NXPH1: variants seen among roughly 807,000 people sequenced by gnomAD.
NXPH1 encodes the protein neurexophilin 1, also known as neurexophilin-1.
In NXPH1, 5 loss-of-function variants were observed where a neutral mutation model predicts 23.7. The observed-to-expected ratio is 0.21, with a 90% confidence interval of 0.11 to 0.44. The LOEUF (loss-of-function observed/expected upper bound fraction) is 0.44. Ranked by LOEUF, NXPH1 falls within the 20% of genes least tolerant of loss-of-function variation. The pLI is 0.99. For synonymous variants in NXPH1, 144 were observed against 122.2 expected (o/e 1.18, Z -1.18); for missense variants, 324 against 321.6 (o/e 1.01, Z -0.06).
At chr7:8,482,846 G>T (rs1461608761) in intron 2 of NXPH1, among the ~76,000 whole-genome samples, 1 of 152,162 alleles carries the variant, frequency 6.6e-6, no homozygotes, top group Admixed American at 6.5e-5. Context: ...TGGTGTCTTG[G>T]ATAGAATGGT....
chr7:8,513,358 G>T (rs1303421365), intron 2 of NXPH1, among the ~76,000 whole-genome samples: 1 of 151,962 alleles, frequency 6.6e-6, no homozygotes, highest in Non-Finnish European at 1.5e-5. Flanking sequence ...AAAACTGAAG[G>T]GTTTTCTTAA....
chr7:8,517,153 T>C (rs1302514497), intron 2 of NXPH1, among the ~76,000 whole-genome samples: 1 of 152,006 alleles, frequency 6.6e-6, no homozygotes, highest in Non-Finnish European at 1.5e-5. Flanking sequence ...GCTAGCAAAC[T>C]AGTGTGCATA....
chr7:8,453,617 G>T (rs1323617518), intron 2 of NXPH1, among the ~76,000 whole-genome samples: 1 of 152,088 alleles, frequency 6.6e-6, no homozygotes, highest in Non-Finnish European at 1.5e-5. Context: ...GAGGACTAAT[G>T]ATATTGGTAC....
chr7:8,638,941 C>T (rs1820262768), intron 2 of NXPH1, among the ~76,000 whole-genome samples: 1 of 150,434 alleles, frequency 6.6e-6, no homozygotes, highest in African/African-American at 2.5e-5. Flanking sequence ...GGTTTAAGTT[C>T]CTTGACCTCT....
At chr7:8,463,384 A>G (rs1430836306) in intron 2 of NXPH1, among the ~76,000 whole-genome samples, 2 of 151,502 alleles carry the variant, frequency 1.3e-5, no homozygotes, top group African/African-American at 4.9e-5. Flanking sequence ...TATATTTTTT[A>G]ACCCTTTGAA....
Position 8,733,905 on chromosome 7 carries a change from G to A in NXPH1, c.55-17103G>A, listed in dbSNP as rs1016502671. Among the ~76,000 whole-genome samples, 11 of 152,052 alleles carry A rather than the reference G, an allele frequency of 7.2e-5. No individual in the cohort carries two copies. The South Asian group carries it at 1.9e-3, about 26-fold the overall frequency. On this transcript the variant is annotated intron_variant, in intron 2 of 2. Coordinates refer to ENST00000405863, the MANE Select transcript of NXPH1 (RefSeq NM_152745.3). ...AATTAGGTCCCATTTGGCAATTTTG[G>A]CTTTTGTTGCCATTGCTTTTAGTGC...
chr7:8,648,452 A>G (rs1353340384), intron 2 of NXPH1, among the ~76,000 whole-genome samples: 8 of 152,216 alleles, frequency 5.3e-5, no homozygotes, highest in Non-Finnish European at 1.0e-4. Context: ...CAGTGAACAC[A>G]AGGATCTCCA....
chr7:8,459,088 G>C (rs1468112043), intron 2 of NXPH1, among the ~76,000 whole-genome samples: 1 of 148,938 alleles, frequency 6.7e-6, no homozygotes, highest in Non-Finnish European at 1.5e-5. Flanking sequence ...ATTTTTCCTT[G>C]ATTTTTTTTT....
intron 2 of NXPH1, among the ~76,000 whole-genome samples, chr7:8,566,719 G>A (rs1421586950): frequency 6.6e-6 from 1 of 151,762 alleles, no homozygotes; most frequent in Non-Finnish European, 1.5e-5. Context: ...CTCTGATTTA[G>A]AGGTGTTTGG....
At chr7:8,478,451 TAAAAG>T (rs1817013888) in intron 2 of NXPH1, among the ~76,000 whole-genome samples, 1 of 151,924 alleles carries the variant, frequency 6.6e-6, no homozygotes, top group Non-Finnish European at 1.5e-5. Context: ...GATAATTCCT[TAAAAG>T]AAATATAAAG....
chr7:8,555,001 TGCCAGAGCTTGATAGTAG>T (rs1818334066), intron 2 of NXPH1, among the ~76,000 whole-genome samples: 1 of 151,726 alleles, frequency 6.6e-6, no homozygotes, highest in Non-Finnish European at 1.5e-5. Flanking sequence ...TGTCATCTTC[TGCCAGAGCTTGATAGTAG>T]GGAAGGGCAG....
At chr7:8,669,556 C>T (rs1820833680) in intron 2 of NXPH1, among the ~76,000 whole-genome samples, 1 of 152,072 alleles carries the variant, frequency 6.6e-6, no homozygotes, top group Non-Finnish European at 1.5e-5. Context: ...GTGGGCTTGC[C>T]CAGCTGTGTT....
chr7:8,605,279 G>A (rs1280796328), intron 2 of NXPH1, among the ~76,000 whole-genome samples: 1 of 152,100 alleles, frequency 6.6e-6, no homozygotes, highest in Non-Finnish European at 1.5e-5. Flanking sequence ...CTCAACAGAT[G>A]GCAAAGTCCT....
chr7:8,726,733 C>T (rs1374726373), intron 2 of NXPH1, among the ~76,000 whole-genome samples: 7 of 148,830 alleles, frequency 4.7e-5, no homozygotes, highest in Non-Finnish European at 7.4e-5. Flanking sequence ...TCCAGTCTAT[C>T]GTTGTTGGAC....
At chr7:8,551,659 G>T (rs1362153267) in intron 2 of NXPH1, among the ~76,000 whole-genome samples, 1 of 151,318 alleles carries the variant, frequency 6.6e-6, no homozygotes, top group Non-Finnish European at 1.5e-5. Context: ...TTTTTAAACA[G>T]AAAAACATTC....
intron 2 of NXPH1, among the ~76,000 whole-genome samples, chr7:8,482,172 G>A (rs983505506): frequency 5.3e-5 from 8 of 152,192 alleles, no homozygotes; most frequent in African/African-American, 1.7e-4. Context: ...GCCTCAGCTT[G>A]AACAGCTGGG....
chr7:8,582,950 C>A (rs1240783656), intron 2 of NXPH1, among the ~76,000 whole-genome samples: 1 of 152,194 alleles, frequency 6.6e-6, no homozygotes, highest in Non-Finnish European at 1.5e-5. Flanking sequence ...CGCCAAGCCA[C>A]CCTCAGCACC....
At chr7:8,539,665 T>TG (rs1818081477) in intron 2 of NXPH1, among the ~76,000 whole-genome samples, 1 of 151,870 alleles carries the variant, frequency 6.6e-6, no homozygotes, top group South Asian at 2.1e-4. Flanking sequence ...TTGTTAATGC[T>TG]GGAAATAAAG....
chr7:8,676,958 A>C (rs763128114), intron 2 of NXPH1, among the ~76,000 whole-genome samples: 1 of 152,184 alleles, frequency 6.6e-6, no homozygotes, highest in East Asian at 1.9e-4. Flanking sequence ...CCCTGCTACA[A>C]ATTTACACTG....
Sources: allele counts gnomAD v4.1 joint callset (sites outside exome capture counted in the v4.1 genomes callset), GRCh38; gene constraint gnomAD v4.1.1; transcripts MANE v1.5; gene names NCBI Gene and HGNC (gene_info 2026-07-23, HGNC 2026-07-21).